Variants in CACNA1C observed in about 807,000 individuals in gnomAD.
CACNA1C encodes calcium voltage-gated channel subunit alpha1 C, also known as voltage-dependent L-type calcium channel subunit alpha-1C.
In CACNA1C, 30 loss-of-function variants were observed where a neutral mutation model predicts 229.0. That is an observed-to-expected ratio of 0.13 (90% CI 0.10 to 0.18). The LOEUF is 0.18. CACNA1C is among the 10% of genes least tolerant of loss of function. The pLI is 1.00. For synonymous variants in CACNA1C, 1,114 were observed against 1,132.5 expected, an observed-to-expected ratio of 0.98 and a Z score of 0.33; for missense variants, 1,658 against 2,845.0, an observed-to-expected ratio of 0.58 and a Z score of 9.49.
intron 3 of CACNA1C, among the ~76,000 whole-genome samples, chr12:2,427,624 AT>A (rs898781274): frequency 1.3e-5 from 2 of 151,830 alleles, no homozygotes; most frequent in Non-Finnish European, 2.9e-5. Flanking sequence ...CTTTATTTTT[AT>A]TTTTTTATTT....
intron 3 of CACNA1C, among the ~76,000 whole-genome samples, chr12:2,307,863 G>C (rs975981278): frequency 2.0e-5 from 3 of 152,142 alleles, no homozygotes; most frequent in African/African-American, 7.2e-5. Flanking sequence ...TGAAAAGTAA[G>C]GTAGAAACAA....
chr12:2,484,705 C>T (rs1282527869), intron 5 of CACNA1C, among the ~76,000 whole-genome samples: 1 of 120,556 alleles, frequency 8.3e-6, no homozygotes, highest in Admixed American at 9.8e-5. Context: ...CGTCCCCCAC[C>T]CCCCACCCCC....
At chr12:2,278,683 C>T (rs1422009149) in intron 3 of CACNA1C, among the ~76,000 whole-genome samples, 4 of 152,300 alleles carry the variant, frequency 2.6e-5, no homozygotes, top group Non-Finnish European at 5.9e-5. Flanking sequence ...AATAAAGCAG[C>T]TATGAACATT....
rs557531289 is a variant in CACNA1C, at chr12:1,973,649, A to G, written c.139+2448A>G. ...TACCCTCAGGTTTACCAAAGGTCAT[A>G]TGGAATCTTTTTCATCGTATACTAA... On this transcript the variant is annotated intron_variant, in intron 1 of 46. Transcript: ENST00000682462. Among the ~76,000 whole-genome samples the G allele has an allele frequency of 5.3e-5, 8 of 152,314 alleles. No homozygotes were observed. The South Asian group carries it at 1.5e-3, about 28-fold the overall frequency.
At chr12:2,527,304 A>G (rs565503059) in intron 9 of CACNA1C, among the ~76,000 whole-genome samples, 9 of 152,238 alleles carry the variant, frequency 5.9e-5, no homozygotes, top group Non-Finnish European at 5.9e-5. Context: ...AAGAATGATT[A>G]CAACTGTGCT....
At chr12:2,442,910 C>T (rs1339309406) in intron 3 of CACNA1C, among the ~76,000 whole-genome samples, 2 of 152,192 alleles carry the variant, frequency 1.3e-5, no homozygotes, top group African/African-American at 4.8e-5. Context: ...GATCCATCCT[C>T]ATCACCCAAA....
intron 3 of CACNA1C, among the ~76,000 whole-genome samples, chr12:2,324,990 A>G (rs1171988163): frequency 6.6e-6 from 1 of 152,176 alleles, no homozygotes; most frequent in Non-Finnish European, 1.5e-5. Flanking sequence ...AGGCTCAGAG[A>G]GGTTAAATGA....
chr12:2,391,119 A>G (rs891903512), intron 3 of CACNA1C, among the ~76,000 whole-genome samples: 1 of 152,200 alleles, frequency 6.6e-6, no homozygotes, highest in Admixed American at 6.5e-5. Context: ...CCAAGATCAC[A>G]CAAGCCTGCT....
intron 3 of CACNA1C, among the ~76,000 whole-genome samples, chr12:2,371,216 G>A (rs1310003833): frequency 6.6e-6 from 1 of 152,190 alleles, no homozygotes; most frequent in African/African-American, 2.4e-5. Context: ...GTAAGGTGTA[G>A]TCAGGTGTTC....
chr12:2,325,189 G>A (rs1008653441), intron 3 of CACNA1C, among the ~76,000 whole-genome samples: 2 of 152,108 alleles, frequency 1.3e-5, no homozygotes, highest in African/African-American at 4.8e-5. Context: ...CTGTCCGGAG[G>A]CACCCACCCT....
chr12:2,448,123 C>T (rs1333826211), intron 3 of CACNA1C, among the ~76,000 whole-genome samples: 7 of 152,178 alleles, frequency 4.6e-5, no homozygotes, highest in Non-Finnish European at 8.8e-5. Flanking sequence ...AGCACAGAGT[C>T]GGCTGGCTCT....
rs778013665 is a variant in CACNA1C, at chr12:2,665,135, C to A, written c.4398+145C>A. 54 of 773,022 alleles carry A rather than the reference C, an allele frequency of 7.0e-5. No individual in the cohort carries two copies. The highest frequency in any genetic ancestry group is 1.1e-4 in the Non-Finnish European group (51 of 482,570). 47.9% of individuals were successfully genotyped at this position (773,022 alleles called of 1,614,324 possible). On this transcript the variant is annotated intron_variant, in intron 35 of 46. Coordinates refer to ENST00000399655, the MANE Select transcript of CACNA1C (RefSeq NM_000719.7). The surrounding 1 kb of genome is among the most constrained non-coding windows in gnomAD (Gnocchi z 5.9). ...AGACTAAGTTGGCAGGAGTGTCCAGCCACATGGAGAGAAAGGCAGAAAGCC... is the reference window on the plus strand; with the variant it reads ...AGACTAAGTTGGCAGGAGTGTCCAGACACATGGAGAGAAAGGCAGAAAGCC...
chr12:2,294,534 C>T (rs1434643050), intron 3 of CACNA1C, among the ~76,000 whole-genome samples: 1 of 151,878 alleles, frequency 6.6e-6, no homozygotes, highest in African/African-American at 2.4e-5. Flanking sequence ...GGAACCATCG[C>T]GGTAGGCCTG....
chr12:2,239,297 C>T (rs982622713), intron 3 of CACNA1C, among the ~76,000 whole-genome samples: 15 of 152,096 alleles, frequency 9.9e-5, no homozygotes, highest in Non-Finnish European at 1.5e-4. Context: ...CCGTGTCAGT[C>T]ACCTGAATGA....
At chr12:2,550,951 T>G (rs1044414508) in intron 10 of CACNA1C, among the ~76,000 whole-genome samples, 2 of 152,262 alleles carry the variant, frequency 1.3e-5, no homozygotes, top group African/African-American at 4.8e-5. Context: ...GAGTCTGCAC[T>G]GCAGATTTCT....
At chr12:1,970,959 C>G in exon 1 of CACNA1C, 3 of 586,526 alleles carry the variant, frequency 5.1e-6, no homozygotes, top group Non-Finnish European at 7.4e-6. Flanking sequence ...TGAAATGTTA[C>G]TGCAGGAATA....
intron 3 of CACNA1C, among the ~76,000 whole-genome samples, chr12:2,130,188 CCTTT>C (rs1427772017): frequency 9.9e-6 from 1 of 100,608 alleles, no homozygotes; most frequent in Admixed American, 1.1e-4. Context: ...CCCCATGAGA[CCTTT>C]CTTTTTTTTT....
intron 3 of CACNA1C, among the ~76,000 whole-genome samples, chr12:2,271,605 T>G (rs1193595656): frequency 6.6e-6 from 1 of 152,154 alleles, no homozygotes; most frequent in African/African-American, 2.4e-5. Context: ...TTAAACAGTT[T>G]AAATTGTGTC....
Position 2,646,785 on chromosome 12 carries a change from AGAGAGT to A in CACNA1C, c.3913-1688_3913-1683del, listed in dbSNP as rs773909461. On this transcript the variant is annotated intron_variant, in intron 30 of 46. Coordinates refer to ENST00000399655, the MANE Select transcript of CACNA1C (RefSeq NM_000719.7). This position sits in a 1 kb window ranked among gnomAD's most constrained non-coding sequence, Gnocchi z 4.6. ...GAGAGAGAAAGAGAGAGAGAGAGAG[AGAGAGT>A]GTGTGTGTGCGCGTGTGTGTGTCTG... Among the ~76,000 whole-genome samples the A allele has an allele frequency of 7.5e-6, 1 of 133,348 alleles. No individual in the cohort carries two copies. Among genetic ancestry groups the A allele is most frequent in the East Asian group, 2.2e-4 (1 of 4,604 alleles). 87.5% of individuals were successfully genotyped at this position (133,348 alleles called of 152,430 possible). A position where few individuals can be genotyped will look rare whatever the true frequency, so the allele number is the denominator to read the frequency against.
Sources: allele counts gnomAD v4.1 joint callset (sites outside exome capture counted in the v4.1 genomes callset), GRCh38; gene constraint gnomAD v4.1.1; non-coding constraint Gnocchi (gnomAD v3.1); transcripts MANE v1.5; gene names NCBI Gene and HGNC (gene_info 2026-07-23, HGNC 2026-07-21).